Variants in STPG2 observed in about 807,000 individuals in gnomAD.
The protein encoded by STPG2 is sperm-tail PG-rich repeat-containing protein 2.
A neutral mutation model predicts 54.2 loss-of-function variants in STPG2; 56 were observed. The ratio of observed to expected loss-of-function variants is 1.03; its 90% CI spans 0.83 to 1.29. The LOEUF (loss-of-function observed/expected upper bound fraction) is 1.29. STPG2 is among the 50% of genes most tolerant of loss of function. The probability of loss-of-function intolerance (pLI) is 0.00; values close to 1 mark genes in which losing one functional copy is unlikely to be tolerated. For missense variants in STPG2, 596 were observed against 544.9 expected (o/e 1.09, Z -0.93); for synonymous variants, 200 against 181.8 (o/e 1.10, Z -0.81).
intron 9 of STPG2, among the ~76,000 whole-genome samples, chr4:97,754,715 A>T (rs914971458): frequency 1.3e-5 from 2 of 152,134 alleles, no homozygotes; most frequent in South Asian, 4.1e-4. Flanking sequence ...CCCATAAATC[A>T]CCACTCTCAG....
intron 10 of STPG2, among the ~76,000 whole-genome samples, chr4:97,662,732 A>ATGACT (rs776459071): frequency 5.9e-5 from 9 of 152,134 alleles, no homozygotes; most frequent in Non-Finnish European, 1.3e-4. Context: ...GTGGGAGCTA[A>ATGACT]ACATTGACTA....
intron 7 of STPG2, among the ~76,000 whole-genome samples, chr4:97,962,137 C>G (rs1202300757): frequency 1.3e-5 from 2 of 152,106 alleles, no homozygotes; most frequent in Non-Finnish European, 2.9e-5. Flanking sequence ...TGTTCTCATT[C>G]ATATGTGAGA....
At chr4:97,963,382 C>T (rs544136137) in intron 7 of STPG2, among the ~76,000 whole-genome samples, 8 of 151,480 alleles carry the variant, frequency 5.3e-5, no homozygotes, top group Non-Finnish European at 8.8e-5. Context: ...ATATACTGGG[C>T]GTGGTGGCTC....
intron 10 of STPG2, among the ~76,000 whole-genome samples, chr4:97,701,382 T>C (rs969862752): frequency 6.6e-6 from 1 of 152,162 alleles, no homozygotes; most frequent in East Asian, 1.9e-4. Flanking sequence ...CACGATGACA[T>C]ATTGGATCCC....
At chr4:97,958,656 T>C (rs1351082238) in intron 7 of STPG2, among the ~76,000 whole-genome samples, 1 of 151,888 alleles carries the variant, frequency 6.6e-6, no homozygotes, top group Non-Finnish European at 1.5e-5. Context: ...GAAGGCCTTG[T>C]CCAACAGGAA....
At position 97,591,984 on chromosome 4, in the gene STPG2, A is replaced by C. The variant is rs192533087; in HGVS notation, c.1321-32867T>G. Reference sequence around the variant, plus strand: ...TACCTGAAAATCATTTTTGTGATTAAATGATATGCCTAAAACTAAAAACAT... The same window carrying C: ...TACCTGAAAATCATTTTTGTGATTACATGATATGCCTAAAACTAAAAACAT... On this transcript the variant is annotated intron_variant, in intron 10 of 10. Coordinates refer to ENST00000295268, the MANE Select transcript of STPG2 (RefSeq NM_174952.3). 2.6e-5 allele frequency among the ~76,000 whole-genome samples: 4 copies of C among 152,322 alleles called. No individual in the cohort carries two copies. In the East Asian group the frequency reaches 7.7e-4, roughly 29 times the overall value.
chr4:97,882,050 T>C (rs1160271814), intron 8 of STPG2, among the ~76,000 whole-genome samples: 1 of 152,016 alleles, frequency 6.6e-6, no homozygotes. Context: ...AAAAATACCA[T>C]GTCACAAGCA....
At chr4:97,898,448 A>AT (rs33926684) in intron 8 of STPG2, among the ~76,000 whole-genome samples, 1 of 151,720 alleles carries the variant, frequency 6.6e-6, no homozygotes, top group Non-Finnish European at 1.5e-5. Flanking sequence ...GAACTTCTAG[A>AT]TTTTTTTTCC....
chr4:97,658,600 C>T (rs1440112808), intron 10 of STPG2, among the ~76,000 whole-genome samples: 1 of 152,130 alleles, frequency 6.6e-6, no homozygotes, highest in East Asian at 1.9e-4. Context: ...CAAAGGATAT[C>T]TCAGCAGTAG....
intron 5 of STPG2, among the ~76,000 whole-genome samples, chr4:98,066,354 T>C (rs962744363): frequency 1.6e-4 from 15 of 96,030 alleles, no homozygotes; most frequent in Admixed American, 2.8e-4. Context: ...ACTGGGAGGC[T>C]GAGGCGGGTG....
At chr4:98,067,545 T>A (rs1480559400) in intron 5 of STPG2, among the ~76,000 whole-genome samples, 2 of 152,160 alleles carry the variant, frequency 1.3e-5, no homozygotes, top group East Asian at 3.8e-4. Context: ...GGCTTTCAGA[T>A]AATATCAAGA....
At chr4:97,829,725 C>T (rs1238173435) in intron 9 of STPG2, among the ~76,000 whole-genome samples, 2 of 151,888 alleles carry the variant, frequency 1.3e-5, no homozygotes, top group African/African-American at 4.8e-5. Context: ...TTTCATGAAG[C>T]ATATACAAGT....
At position 97,866,244 on chromosome 4, in the gene STPG2, G is replaced by A. The variant is rs183998175; in HGVS notation, c.1045-25312C>T. Among the ~76,000 whole-genome samples the A allele has an allele frequency of 5.3e-5, 8 of 152,026 alleles. No individual in the cohort carries two copies. The East Asian group carries it at 1.6e-3, about 29-fold the overall frequency. On this transcript the variant is annotated intron_variant, in intron 8 of 10. Coordinates refer to ENST00000295268, the MANE Select transcript of STPG2 (RefSeq NM_174952.3). ...ATTGTACATTTTAATATAACTAAAA[G>A]AGTATAATTGAATTGTCCATAACAA...
In STPG2 at chr4:97,616,057, A is replaced by AATATATATATATAT. The variant is rs70953077; in HGVS notation, c.1321-56954_1321-56941dup. Reference sequence around the variant, plus strand: ...GTCTCAAAAAAAAAAAATACATATAAATATATATATATATATATATATATA... The same window carrying AATATATATATATAT: ...GTCTCAAAAAAAAAAAATACATATAAATATATATATATATATATATATATATATATATATATATA... On this transcript the variant is annotated intron_variant, in intron 10 of 10. Transcript: ENST00000295268. Among the ~76,000 whole-genome samples the AATATATATATATAT allele has an allele frequency of 1.4e-3, 53 of 37,368 alleles. 2 individuals are homozygous for AATATATATATATAT. Among genetic ancestry groups the AATATATATATATAT allele is most frequent in the Admixed American group, 2.7e-3 (5 of 1,874 alleles). The allele number at this position is 37,368 out of a possible 152,430, so 24.5% of individuals were successfully genotyped here.
chr4:97,767,083 T>A (rs966843536), intron 9 of STPG2, among the ~76,000 whole-genome samples: 1 of 152,118 alleles, frequency 6.6e-6, no homozygotes, highest in Non-Finnish European at 1.5e-5. Context: ...ATAAGAAAAC[T>A]TTTTGGCATC....
At chr4:97,540,736 C>A (rs1375868315) in intron 4 of STPG2, among the ~76,000 whole-genome samples, 4 of 152,260 alleles carry the variant, frequency 2.6e-5, no homozygotes, top group Non-Finnish European at 4.4e-5. Flanking sequence ...TTCTGGCAAA[C>A]TGAATCCAGC....
At chr4:98,096,144 C>T (rs183571439) in intron 5 of STPG2, among the ~76,000 whole-genome samples, 2 of 152,244 alleles carry the variant, frequency 1.3e-5, no homozygotes, top group Non-Finnish European at 2.9e-5. Flanking sequence ...CCTGTAATCC[C>T]AGCACTTTGG....
chr4:97,614,399 A>C (rs983599189), intron 10 of STPG2, among the ~76,000 whole-genome samples: 37 of 152,054 alleles, frequency 2.4e-4, no homozygotes, highest in African/African-American at 8.7e-4. Context: ...ATTCTTGCAG[A>C]AGGAATGAGC....
chr4:98,014,580 T>C (rs1735870589), intron 5 of STPG2, among the ~76,000 whole-genome samples: 1 of 152,196 alleles, frequency 6.6e-6, no homozygotes, highest in South Asian at 2.1e-4. Context: ...TATGTATCAT[T>C]AACAAATTGT....
Sources: gnomAD v4.1 joint callset for allele counts (sites outside exome capture counted in the v4.1 genomes callset) on GRCh38, gnomAD v4.1.1 for gene constraint, MANE v1.5 for transcripts, NCBI Gene and HGNC (gene_info 2026-07-23, HGNC 2026-07-21) for gene names.